The following TRAPPC8 variants were observed in gnomAD, a reference collection of about 807,000 sequenced individuals.
TRAPPC8 encodes trafficking protein particle complex subunit 8.
Under a neutral mutation model 174.3 loss-of-function variants are expected in TRAPPC8, and 54 were observed. The observed-to-expected ratio is 0.31, with a 90% CI of 0.25 to 0.39. The LOEUF (loss-of-function observed/expected upper bound fraction) is 0.39. Ranked by LOEUF, TRAPPC8 falls within the 10% of genes least tolerant of loss-of-function variation. TRAPPC8 has a pLI of 1.00. For synonymous variants in TRAPPC8, 630 were observed against 579.9 expected (o/e 1.09, Z -1.24); for missense variants, 1,531 against 1,699.1 (o/e 0.90, Z 1.74).
chr18:31,847,515 A>C (rs1269861895), intron 25 of TRAPPC8, among the ~76,000 whole-genome samples: 1 of 152,218 alleles, frequency 6.6e-6, no homozygotes, highest in Non-Finnish European at 1.5e-5. Flanking sequence ...AAAAACATAA[A>C]ATTACTCAGT....
At chr18:31,926,562 G>A (rs1194286348) in intron 2 of TRAPPC8, 2 of 151,586 alleles carry the variant, frequency 1.3e-5, no homozygotes, top group Non-Finnish European at 2.9e-5. Flanking sequence ...TCCGCCTCAA[G>A]CAGCTGGGAT....
chr18:31,872,216 C>A (rs2034903241), intron 14 of TRAPPC8, among the ~76,000 whole-genome samples: 2 of 151,922 alleles, frequency 1.3e-5, no homozygotes, highest in Admixed American at 1.3e-4. Flanking sequence ...CTTTCTGTTT[C>A]TGAGTTATTT....
rs148943323 is a variant in TRAPPC8 at position 31,916,525 on chromosome 18, TTTTG to T, written c.443-83_443-80del. ...TGTCCTACTGAGATAAACAGGAGGTTTTTGTTTGTTTGTTTGTTTGTTTCTGAGA... is the reference window on the plus strand; with the variant it reads ...TGTCCTACTGAGATAAACAGGAGGTTTTTGTTTGTTTGTTTGTTTCTGAGA... On this transcript the variant is annotated intron_variant, in intron 3 of 28. Coordinates refer to ENST00000283351, the MANE Select transcript of TRAPPC8 (RefSeq NM_014939.5). The T allele has an allele frequency of 2.9e-3, 3,952 of 1,354,590 alleles. 33 individuals are homozygous for T. The highest frequency in any genetic ancestry group is 0.023 in the African/African-American group (1,556 of 66,580). 83.9% of individuals were successfully genotyped at this position (1,354,590 alleles called of 1,614,324 possible).
At chr18:31,938,622 A>T (rs2038201660) in intron 1 of TRAPPC8, among the ~76,000 whole-genome samples, 1 of 152,216 alleles carries the variant, frequency 6.6e-6, no homozygotes, top group African/African-American at 2.4e-5. Flanking sequence ...AAAACTCAGC[A>T]GTCAAGGCAA....
intron 14 of TRAPPC8, among the ~76,000 whole-genome samples, chr18:31,872,940 A>C (rs1280468982): frequency 6.6e-6 from 1 of 151,828 alleles, no homozygotes. Context: ...CTGGAAAGAG[A>C]AACACCAAAA....
intron 5 of TRAPPC8, among the ~76,000 whole-genome samples, chr18:31,912,995 G>C (rs2036983122): frequency 6.6e-6 from 1 of 152,042 alleles, no homozygotes; most frequent in African/African-American, 2.4e-5. Flanking sequence ...TGGCATGGTG[G>C]CATGTGCCTG....
chr18:31,914,304 T>G (rs936571677), intron 4 of TRAPPC8, among the ~76,000 whole-genome samples: 1 of 151,772 alleles, frequency 6.6e-6, no homozygotes, highest in Non-Finnish European at 1.5e-5. Flanking sequence ...TTATAGAAAA[T>G]TTGTATAAAT....
rs533730876 is a variant in TRAPPC8 at position 31,842,136 on chromosome 18, C to T, written c.3838-2679G>A. On this transcript the variant is annotated intron_variant, in intron 26 of 28. Transcript: ENST00000283351. ...AGCATCTTGGTGTATGTATGGGCTACTTGCCAGCTTTTCACAGGATTCAAA... is the reference window on the plus strand; with the variant it reads ...AGCATCTTGGTGTATGTATGGGCTATTTGCCAGCTTTTCACAGGATTCAAA... 4.6e-5 allele frequency among the ~76,000 whole-genome samples: 7 copies of T among 152,306 alleles called. No individual in the cohort carries two copies. In the South Asian group the frequency reaches 1.5e-3, roughly 32 times the overall value.
intron 1 of TRAPPC8, among the ~76,000 whole-genome samples, chr18:31,932,193 G>A (rs2037876510): frequency 6.6e-6 from 1 of 152,102 alleles, no homozygotes; most frequent in Non-Finnish European, 1.5e-5. Context: ...ACTTTGGGAG[G>A]CCGAGACAGA....
chr18:31,941,737 C>T (rs1435619328), intron 1 of TRAPPC8, among the ~76,000 whole-genome samples: 1 of 152,184 alleles, frequency 6.6e-6, no homozygotes, highest in African/African-American at 2.4e-5. Context: ...TTGCCTGACA[C>T]AGGCTTATTA....
chr18:31,899,128 A>C (rs1241506454), intron 10 of TRAPPC8, among the ~76,000 whole-genome samples: 4 of 152,220 alleles, frequency 2.6e-5, no homozygotes, highest in African/African-American at 9.6e-5. Context: ...ACTAACTCCT[A>C]TATACTAGCA....
At chr18:31,915,759 C>T (rs938860015) in intron 4 of TRAPPC8, among the ~76,000 whole-genome samples, 1 of 151,372 alleles carries the variant, frequency 6.6e-6, no homozygotes, top group African/African-American at 2.4e-5. Context: ...CAGTGGCGGG[C>T]GCCTGTAGTC....
chr18:31,873,549 T>A lies in TRAPPC8; in HGVS notation c.1954-11A>T. 1 of 1,588,492 alleles carries A rather than the reference T, an allele frequency of 6.3e-7. No homozygotes were observed. The highest frequency in any genetic ancestry group is 8.6e-7 in the Non-Finnish European group (1 of 1,167,284). ...CAGCTGACTTACATTCTGAGAGAAA[T>A]ATAAAAGGGAAAAAAAGTAGTTTTT... On this transcript the variant is annotated splice_polypyrimidine_tract_variant and intron_variant, in intron 13 of 28. Coordinates refer to ENST00000283351, the MANE Select transcript of TRAPPC8 (RefSeq NM_014939.5).
chr18:31,900,811 A>G, intron 10 of TRAPPC8, 114 bp downstream of exon 10: 1 of 763,162 alleles, frequency 1.3e-6, no homozygotes. Context: ...AATCACCTCA[A>G]CTTGTCTCCG....
intron 9 of TRAPPC8, among the ~76,000 whole-genome samples, chr18:31,903,043 T>C (rs1274610684): frequency 7.6e-6 from 1 of 132,356 alleles, no homozygotes; most frequent in Admixed American, 7.5e-5. Context: ...GCGAGACTCA[T>C]CTCAAAAAAA....
chr18:31,912,289 G>A (rs1161696326), intron 5 of TRAPPC8, among the ~76,000 whole-genome samples: 7 of 152,192 alleles, frequency 4.6e-5, no homozygotes, highest in East Asian at 1.9e-4. Flanking sequence ...TCAAGAGTTC[G>A]AGACCAGCCT....
intron 9 of TRAPPC8, among the ~76,000 whole-genome samples, chr18:31,903,363 C>A (rs958227612): frequency 6.6e-6 from 1 of 152,172 alleles, no homozygotes; most frequent in South Asian, 2.1e-4. Flanking sequence ...TAGTTAATAT[C>A]TGAAGTCTCC....
chr18:31,912,654 CTG>C (rs2036965388), intron 5 of TRAPPC8, among the ~76,000 whole-genome samples: 2 of 151,820 alleles, frequency 1.3e-5, no homozygotes, highest in East Asian at 3.9e-4. Flanking sequence ...GAGCAACACT[CTG>C]TTTCAAAAAA....
chr18:31,866,857 C>T lies in TRAPPC8; in HGVS notation c.2582G>A (p.Cys861Tyr). 1 of 1,613,176 alleles carries T rather than the reference C, an allele frequency of 6.2e-7. No homozygotes were observed. The highest frequency in any genetic ancestry group is 1.1e-5 in the South Asian group (1 of 91,030). Residue 861 changes from cysteine to tyrosine, a missense_variant, in exon 18 of 29, where the codon TGT becomes TAT. Cys to Tyr is a radical substitution (Grantham distance 194). Transcript: ENST00000283351. ...AATGCTATAGCCTTTACCTGTGTGA[C>T]ATCCGGGAAGAGCACCAATGCCATC... is the stretch of plus-strand genomic sequence containing the variant. ...TVDGIGALPG[C>Y]HTGKYSLSMS...
Sources: allele counts gnomAD v4.1 joint callset (sites outside exome capture counted in the v4.1 genomes callset), GRCh38; gene constraint gnomAD v4.1.1; transcripts MANE v1.5; gene names NCBI Gene and HGNC (gene_info 2026-07-23, HGNC 2026-07-21).